The following NCCRP1 variants were observed in gnomAD, a reference collection of about 807,000 sequenced individuals.
NCCRP1 encodes the protein NCCRP1, F-box associated domain containing, also known as F-box only protein 50.
Under a neutral mutation model 34.4 loss-of-function variants are expected in NCCRP1, and 32 were observed. That is an observed-to-expected ratio of 0.93 (90% confidence interval 0.70 to 1.25). NCCRP1 has a LOEUF of 1.25. Ranked by LOEUF, NCCRP1 falls within the 50% of genes most tolerant of loss-of-function variation. NCCRP1 has a pLI of 0.00. For synonymous variants in NCCRP1, 172 were observed against 180.1 expected (o/e 0.95, Z 0.36); for missense variants, 372 against 391.8 (o/e 0.95, Z 0.43).
chr19:39,197,126 A>G lies in NCCRP1; in HGVS notation c.144A>G (p.Pro48=). The G allele has an allele frequency of 6.6e-7, 1 of 1,516,526 alleles. No homozygotes were observed. Among genetic ancestry groups the G allele is most frequent in the African/African-American group, 1.4e-5 (1 of 70,194 alleles). The allele number at this position is 1,516,526 out of a possible 1,614,324, so 93.9% of individuals were successfully genotyped here. A position where few individuals can be genotyped will look rare whatever the true frequency, so the allele number is the denominator to read the frequency against. The part of the protein sequence containing the change: ...PPPLPSPPSL[P]SPAAPEAPEL... The stretch of plus-strand genomic sequence containing the variant: ...CACTGCCCTCGCCGCCGTCGCTGCC[A>G]TCGCCCGCAGCCCCGGAGGCCCCCG... The change falls in exon 1 of 6, where the codon CCA becomes CCG. Residue 48 remains proline, a synonymous_variant. Transcript: ENST00000339852.
intron 3 of NCCRP1, 45 bp downstream of exon 3, chr19:39,198,298 C>T (rs367666351): frequency 1.7e-4 from 267 of 1,596,178 alleles, no homozygotes; most frequent in Non-Finnish European, 2.2e-4. Flanking sequence ...TTCCCTGCTC[C>T]ACCCTTCCTC....
Position 39,201,427 on chromosome 19 carries a change from C to G in NCCRP1, c.*671C>G, listed in dbSNP as rs1226386068. 1 of 151,856 alleles carries G rather than the reference C, an allele frequency of 6.6e-6. No individual in the cohort carries two copies. Among genetic ancestry groups the G allele is most frequent in the African/African-American group, 2.4e-5 (1 of 41,326 alleles). The allele number at this position is 151,856 out of a possible 1,614,324, so 9.4% of individuals were successfully genotyped here. ...TCAGGTTCAAGTGGTTCTCCTGCCT[C>G]AGCCTCTCAAGTAGCTGGGATTACA... On this transcript the variant is annotated 3_prime_UTR_variant, in exon 6 of 6. Transcript: ENST00000339852.
At chr19:39,198,750 C>T (rs570833318) in intron 3 of NCCRP1, among the ~76,000 whole-genome samples, 3 of 152,130 alleles carry the variant, frequency 2.0e-5, no homozygotes, top group South Asian at 2.1e-4. Flanking sequence ...TGAGCCACCG[C>T]GCCTGGCTAT....
intron 4 of NCCRP1, among the ~76,000 whole-genome samples, chr19:39,199,956 C>T (rs1600434165): frequency 6.6e-6 from 1 of 152,242 alleles, no homozygotes; most frequent in Non-Finnish European, 1.5e-5. Context: ...TCTCCAGTGC[C>T]CTGTGCCTCC....
chr19:39,200,725 A>T lies in NCCRP1; in HGVS notation c.797A>T (p.Asp266Val). ...PGGLRRTRVT[D>V]SSVSVQLRE ...GGGCTGCGGCGGACACGGGTGACCG[A>T]CTCCTCCGTGTCTGTGCAGCTCCGG... is the stretch of plus-strand genomic sequence containing the variant. The change falls in exon 6 of 6, where the codon GAC becomes GTC. Residue 266 changes from aspartate (D) to valine (V), a missense_variant. Asp to Val is a radical substitution (Grantham distance 152, BLOSUM62 -3). Coordinates refer to ENST00000339852, the MANE Select transcript of NCCRP1 (RefSeq NM_001001414.2). This position sits in a 1 kb window ranked among gnomAD's most constrained non-coding sequence, Gnocchi z 5.8. 1 of 1,611,438 alleles carries T rather than the reference A, an allele frequency of 6.2e-7. No individual in the cohort carries two copies. Among genetic ancestry groups the T allele is most frequent in the Non-Finnish European group, 8.5e-7 (1 of 1,179,504 alleles).
intron 3 of NCCRP1, among the ~76,000 whole-genome samples, chr19:39,198,668 A>G (rs2074773701): frequency 6.6e-6 from 1 of 152,152 alleles, no homozygotes; most frequent in African/African-American, 2.4e-5. Context: ...CATGTTGGCC[A>G]GGCTGGTCTC....
chr19:39,197,546 C>T (rs185166375), intron 1 of NCCRP1, among the ~76,000 whole-genome samples: 21 of 152,110 alleles, frequency 1.4e-4, no homozygotes, highest in Middle Eastern at 3.4e-3. Flanking sequence ...CTCCATCTCT[C>T]TTTCTCTCTC....
chr19:39,199,905 A>ATC (rs1171795551), intron 4 of NCCRP1, among the ~76,000 whole-genome samples: 43 of 152,152 alleles, frequency 2.8e-4, no homozygotes, highest in African/African-American at 1.0e-3. Context: ...CTGCACCAGG[A>ATC]AGCCCTCCCT....
intron 1 of NCCRP1, among the ~76,000 whole-genome samples, chr19:39,197,574 CT>C (rs1240215762): frequency 6.6e-6 from 1 of 152,064 alleles, no homozygotes; most frequent in Non-Finnish European, 1.5e-5. Context: ...CTCTCTCCCC[CT>C]CTGCCTATGT....
chr19:39,200,632 G>A lies in NCCRP1; in HGVS notation c.704G>A (p.Arg235His), dbSNP rs774535300. 1.9e-5 allele frequency: 31 copies of A among 1,613,890 alleles called. No homozygotes were observed. Among genetic ancestry groups the A allele is most frequent in the South Asian group, 2.2e-5 (2 of 91,076 alleles). ...GRWVQVSHVF[R>H]HYGPGVRFIH... is the part of the protein sequence containing the mutation. ...TCACCACAGGTGTCCCACGTATTCC[G>A]CCATTATGGTCCCGGTGTGCGCTTT... Residue 235 changes from arginine to histidine, a missense_variant, in exon 6 of 6, where the codon CGC (arginine) becomes CAC (histidine). Arg to His is a conservative substitution (Grantham distance 29, BLOSUM62 0). Transcript: ENST00000339852. The surrounding 1 kb of genome is among the most constrained non-coding windows in gnomAD (Gnocchi z 5.8).
chr19:39,197,279 G>C lies in NCCRP1; in HGVS notation c.297G>C (p.Arg99=), dbSNP rs1600432395. 2 of 1,492,880 alleles carry C rather than the reference G, an allele frequency of 1.3e-6. No homozygotes were observed. Among genetic ancestry groups the C allele is most frequent in the East Asian group, 5.6e-5 (2 of 35,902 alleles). The allele number at this position is 1,492,880 out of a possible 1,614,324, so 92.5% of individuals were successfully genotyped here. The stretch of plus-strand genomic sequence containing the variant: ...CCTGGAAGCTGCTCCTGTTGCGGCG[G>C]CCGCTCTACCGCAACCTGCTGCGCT... ...RLTWKLLLLR[R]PLYRNLLRSP... is the part of the protein sequence containing the mutation. Residue 99 remains arginine (R), a synonymous_variant, in exon 1 of 6, where the codon CGG becomes CGC. Transcript: ENST00000339852.
At chr19:39,199,324 G>A in intron 4 of NCCRP1, 59 bp downstream of exon 4, 2 of 1,501,754 alleles carry the variant, frequency 1.3e-6, no homozygotes, top group Non-Finnish European at 1.8e-6. Flanking sequence ...CCCAGAGCAT[G>A]AGCCTTACTC....
chr19:39,200,620 C>T lies in NCCRP1; in HGVS notation c.692C>T (p.Ser231Phe), dbSNP rs1568542718. The change falls in exon 6 of 6, where the codon TCC becomes TTC. Residue 231 changes from serine to phenylalanine, a missense_variant. Transcript: ENST00000339852. The surrounding 1 kb of genome is among the most constrained non-coding windows in gnomAD (Gnocchi z 5.8). ...RGPPGRWVQV[S>F]HVFRHYGPGV... is the part of the protein sequence containing the mutation. ...CCCCAGGTGCTGTCACCACAGGTGT[C>T]CCACGTATTCCGCCATTATGGTCCC... 2 of 1,614,040 alleles carry T rather than the reference C, an allele frequency of 1.2e-6. No individual in the cohort carries two copies. The highest frequency in any genetic ancestry group is 1.7e-6 in the Non-Finnish European group (2 of 1,179,958).
chr19:39,197,140 C>CGGA lies in NCCRP1; in HGVS notation c.161_163dup (p.Glu54dup). On this transcript the variant is annotated inframe_insertion, in exon 1 of 6. Coordinates refer to ENST00000339852, the MANE Select transcript of NCCRP1 (RefSeq NM_001001414.2). ...CCGTCGCTGCCATCGCCCGCAGCCCCGGAGGCCCCCGAGCTCCCCGAGCCG... is the reference window on the plus strand; with the variant it reads ...CCGTCGCTGCCATCGCCCGCAGCCCCGGAGGAGGCCCCCGAGCTCCCCGAGCCG... The CGGA allele has an allele frequency of 6.7e-7, 1 of 1,496,172 alleles. No individual in the cohort carries two copies. Among genetic ancestry groups the CGGA allele is most frequent in the Middle Eastern group, 2.4e-4 (1 of 4,222 alleles). The allele number at this position is 1,496,172 out of a possible 1,614,324, so 92.7% of individuals were successfully genotyped here.
Position 39,197,298 on chromosome 19 carries a change from C to A in NCCRP1, c.316C>A (p.Leu106Met). Residue 106 changes from leucine (L) to methionine (M), a missense_variant, in exon 1 of 6, where the codon CTG becomes ATG. By Grantham distance (15) the Leu-to-Met change is conservative (BLOSUM62 2). Coordinates refer to ENST00000339852, the MANE Select transcript of NCCRP1 (RefSeq NM_001001414.2). ...GCGGCGGCCGCTCTACCGCAACCTG[C>A]TGCGCTCGCCCAACCCCGAAGGTGC... ...LLRRPLYRNL[L>M]RSPNPEGINI... is the part of the protein sequence containing the mutation. The A allele has an allele frequency of 2.7e-6, 4 of 1,479,596 alleles. No homozygotes were observed. The highest frequency in any genetic ancestry group is 3.6e-6 in the Non-Finnish European group (4 of 1,125,700). 91.7% of individuals were successfully genotyped at this position (1,479,596 alleles called of 1,614,324 possible).
chr19:39,199,498 CTTT>C (rs1426764949), intron 4 of NCCRP1, among the ~76,000 whole-genome samples: 47 of 81,356 alleles, frequency 5.8e-4, no homozygotes, highest in East Asian at 2.0e-3. Context: ...TTTTTTTTTT[CTTT>C]TTTCTTTCTT....
intron 1 of NCCRP1, 144 bp downstream of exon 1, chr19:39,197,463 T>C (rs2074767815): frequency 2.8e-6 from 2 of 725,346 alleles, no homozygotes; most frequent in Non-Finnish European, 4.1e-6. Flanking sequence ...TCTGTCATTG[T>C]GCCTCTCCAT....
rs199509879 is a variant in NCCRP1 at position 39,200,800 on chromosome 19, T to G, written c.*44T>G. 457 of 1,571,776 alleles carry G rather than the reference T, an allele frequency of 2.9e-4. 1 individual carries two copies. The highest frequency in any genetic ancestry group is 1.2e-3 in the Middle Eastern group (7 of 5,874). On this transcript the variant is annotated 3_prime_UTR_variant, in exon 6 of 6. Coordinates refer to ENST00000339852, the MANE Select transcript of NCCRP1 (RefSeq NM_001001414.2). This position sits in a 1 kb window ranked among gnomAD's most constrained non-coding sequence, Gnocchi z 5.8. ...CTGACCCCACAGCACCTCCCTGACC[T>G]TTAGGAGCCCCAACTCTTAGTCACC...
rs373330502 is a variant in NCCRP1, at chr19:39,198,135, G to C, written c.400+20G>C. ...CTCTGGGTAAGTGCTTGGAGGGCCA[G>C]GTTGCTGAGGGTGGGGAGGGTCCTC... On this transcript the variant is annotated intron_variant, in intron 2 of 5. Transcript: ENST00000339852. The C allele has an allele frequency of 2.5e-6, 4 of 1,614,110 alleles. No homozygotes were observed. The highest frequency in any genetic ancestry group is 2.5e-6 in the Non-Finnish European group (3 of 1,180,042).
Sources: allele counts gnomAD v4.1 joint callset (sites outside exome capture counted in the v4.1 genomes callset), GRCh38; gene constraint gnomAD v4.1.1; non-coding constraint Gnocchi (gnomAD v3.1); transcripts MANE v1.5; gene names NCBI Gene and HGNC (gene_info 2026-07-23, HGNC 2026-07-21).